The following ACSS3 variants were observed in gnomAD, a reference collection of about 807,000 sequenced individuals.
ACSS3 encodes acyl-CoA synthetase short-chain family member 3, mitochondrial.
A neutral mutation model predicts 84.2 loss-of-function variants in ACSS3; 64 were observed. The ratio of observed to expected loss-of-function variants is 0.76; its 90% CI spans 0.62 to 0.94. The LOEUF (loss-of-function observed/expected upper bound fraction) is 0.94, where lower values mean the gene tolerates loss of function less well. Ranked by LOEUF, ACSS3 falls within the 40% of genes least tolerant of loss-of-function variation. The pLI, the probability that ACSS3 is intolerant of heterozygous loss-of-function variation, is 0.00. For synonymous variants in ACSS3, 317 were observed against 310.1 expected (o/e 1.02, Z -0.23); for missense variants, 815 against 867.6 (o/e 0.94, Z 0.76).
chr12:81,119,566 G>A (rs1274374993), intron 2 of ACSS3, among the ~76,000 whole-genome samples: 2 of 152,042 alleles, frequency 1.3e-5, no homozygotes, highest in East Asian at 3.9e-4. Flanking sequence ...CTCTCCCCAG[G>A]AATGCATTCC....
chr12:81,088,848 G>C (rs755979569), intron 1 of ACSS3, among the ~76,000 whole-genome samples: 1 of 151,952 alleles, frequency 6.6e-6, no homozygotes, highest in East Asian at 1.9e-4. Flanking sequence ...TATAAGAAGA[G>C]TTTTTAAAGT....
chr12:81,137,332 CA>C (rs1885859264), intron 3 of ACSS3, among the ~76,000 whole-genome samples: 2 of 129,514 alleles, frequency 1.5e-5, no homozygotes, highest in Admixed American at 1.5e-4. Context: ...CACACACACA[CA>C]CACACACACA....
chr12:81,112,097 A>C (rs1385325198), intron 2 of ACSS3, among the ~76,000 whole-genome samples: 1 of 152,120 alleles, frequency 6.6e-6, no homozygotes, highest in East Asian at 1.9e-4. Flanking sequence ...TATAAGAGAT[A>C]ATGTCGATTT....
chr12:81,160,786 T>C (rs1435969), intron 7 of ACSS3, among the ~76,000 whole-genome samples: 98,567 of 151,962 alleles, frequency 0.65, 32,631 homozygotes, highest in Non-Finnish European at 0.73. Context: ...AATTAGTGAA[T>C]ACTTTTAGTG....
chr12:81,199,219 TTG>T, intron 8 of ACSS3, 120 bp from the exon 9 acceptor site: 1 of 772,632 alleles, frequency 1.3e-6, no homozygotes. Context: ...GTGTGATGTA[TTG>T]GTTATATTGC....
chr12:81,096,256 G>T (rs1882035579), intron 1 of ACSS3, among the ~76,000 whole-genome samples: 1 of 152,188 alleles, frequency 6.6e-6, no homozygotes. Flanking sequence ...GAGAGAATTT[G>T]TAAGGAGAAT....
At chr12:81,181,067 A>C (rs1455236961) in intron 8 of ACSS3, among the ~76,000 whole-genome samples, 1 of 152,180 alleles carries the variant, frequency 6.6e-6, no homozygotes, top group Non-Finnish European at 1.5e-5. Context: ...ATTAAAATAG[A>C]TATTATGCCC....
At position 81,231,066 on chromosome 12, in the gene ACSS3, G is replaced by A. The variant is rs781735069; in HGVS notation, c.1524G>A (p.Leu508=). Residue 508 remains leucine (L), a synonymous_variant, in exon 12 of 16, where the codon TTG becomes TTA. Transcript: ENST00000548058. ...CLGNIVVKLP[L]PPGAFSGLWK... ...TCTGTTTTTATATAAGGTTACCATT[G>A]CCACCTGGGGCTTTTTCAGGACTCT... is the stretch of plus-strand genomic sequence containing the variant. 3.4e-5 allele frequency: 54 copies of A among 1,609,974 alleles called. No individual in the cohort carries two copies. The South Asian group carries it at 5.5e-4, about 16-fold the overall frequency.
chr12:81,098,849 A>C (rs1463678269), intron 1 of ACSS3, among the ~76,000 whole-genome samples: 2 of 152,092 alleles, frequency 1.3e-5, no homozygotes, highest in African/African-American at 4.8e-5. Context: ...CTTTCTTATT[A>C]TGTGCTTTCA....
chr12:81,177,653 G>A (rs531193671), intron 8 of ACSS3, among the ~76,000 whole-genome samples: 11 of 152,238 alleles, frequency 7.2e-5, no homozygotes, highest in African/African-American at 2.6e-4. Context: ...AGTGGGCGAA[G>A]GACATGAACA....
At chr12:81,201,169 T>G (rs959309227) in intron 9 of ACSS3, among the ~76,000 whole-genome samples, 1 of 152,196 alleles carries the variant, frequency 6.6e-6, no homozygotes, top group Non-Finnish European at 1.5e-5. Context: ...TGAAGAATTA[T>G]TGCATCTGCA....
chr12:81,238,277 T>A (rs1433369579), intron 13 of ACSS3, among the ~76,000 whole-genome samples: 1 of 101,358 alleles, frequency 9.9e-6, no homozygotes, highest in Non-Finnish European at 2.4e-5. Flanking sequence ...CTGTCAATAG[T>A]TTTTTTTAAT....
At chr12:81,174,688 C>A in intron 7 of ACSS3, 100 bp from the exon 8 acceptor site, 1 of 1,228,956 alleles carries the variant, frequency 8.1e-7, no homozygotes, top group South Asian at 1.8e-5. Flanking sequence ...GTTGAAAACC[C>A]CTTATTATTA....
chr12:81,093,541 A>G (rs566343815), intron 1 of ACSS3, among the ~76,000 whole-genome samples: 1 of 151,160 alleles, frequency 6.6e-6, no homozygotes, highest in African/African-American at 2.4e-5. Flanking sequence ...ATTACTTTAC[A>G]TTTTAATTAG....
intron 2 of ACSS3, among the ~76,000 whole-genome samples, chr12:81,112,196 TG>T (rs1406541986): frequency 6.6e-6 from 1 of 152,208 alleles, no homozygotes; most frequent in Non-Finnish European, 1.5e-5. Flanking sequence ...ATCGTGCCTG[TG>T]ATTTTGGCAT....
intron 7 of ACSS3, among the ~76,000 whole-genome samples, chr12:81,166,627 G>T (rs1887416014): frequency 6.6e-6 from 1 of 152,232 alleles, no homozygotes; most frequent in Non-Finnish European, 1.5e-5. Flanking sequence ...GTGCTACAGA[G>T]AAAAGACTGA....
chr12:81,116,469 C>T (rs1884056104), intron 2 of ACSS3, among the ~76,000 whole-genome samples: 1 of 152,066 alleles, frequency 6.6e-6, no homozygotes, highest in Non-Finnish European at 1.5e-5. Flanking sequence ...ATTATATTGT[C>T]CATGAAATCA....
intron 1 of ACSS3, among the ~76,000 whole-genome samples, chr12:81,104,469 G>A (rs1882802478): frequency 6.6e-6 from 1 of 152,114 alleles, no homozygotes; most frequent in African/African-American, 2.4e-5. Flanking sequence ...TCTTGCCAAG[G>A]TGTAGCAAGG....
rs190822911 is a variant in ACSS3, at chr12:81,211,875, A to G, written c.1355-5026A>G. Among the ~76,000 whole-genome samples the G allele has an allele frequency of 1.4e-3, 212 of 152,144 alleles. 1 individual carries two copies. The highest frequency in any genetic ancestry group is 4.9e-3 in the African/African-American group (204 of 41,504). The stretch of plus-strand genomic sequence containing the variant: ...CACTATTTCTCTGACCTTATTTCCT[A>G]TCAATACTTTTTGTTAATTCTGTGA... On this transcript the variant is annotated intron_variant, in intron 9 of 15. Coordinates refer to ENST00000548058, the MANE Select transcript of ACSS3 (RefSeq NM_024560.4).
Sources: gnomAD v4.1 joint callset for allele counts (sites outside exome capture counted in the v4.1 genomes callset) on GRCh38, gnomAD v4.1.1 for gene constraint, MANE v1.5 for transcripts, NCBI Gene and HGNC (gene_info 2026-07-23, HGNC 2026-07-21) for gene names.